The following AQP9 variants were observed in gnomAD, a reference collection of about 807,000 sequenced individuals.
AQP9 encodes aquaporin 9.
AQP9 carries 19 observed loss-of-function variants against 23.8 expected under a neutral mutation model. The observed-to-expected ratio is 0.80, with a 90% CI of 0.56 to 1.17. AQP9 has a LOEUF of 1.17. Among genes scored for constraint, AQP9 ranks in the 50% most tolerant of loss-of-function variants. The pLI, the probability that AQP9 is intolerant of heterozygous loss-of-function variation, is 0.00. For missense variants in AQP9, 413 were observed against 362.0 expected (o/e 1.14, Z -1.14); for synonymous variants, 153 against 131.5 (o/e 1.16, Z -1.12).
intron 5 of AQP9, among the ~76,000 whole-genome samples, chr15:58,181,334 GT>G (rs1351690011): frequency 6.6e-6 from 1 of 152,162 alleles, no homozygotes; most frequent in African/African-American, 2.4e-5. Flanking sequence ...TCACTGTTGT[GT>G]TTATATTCTA....
chr15:58,174,782 G>C (rs979879251), intron 3 of AQP9, 136 bp from the exon 4 acceptor site: 1 of 712,194 alleles, frequency 1.4e-6, no homozygotes, highest in African/African-American at 1.8e-5. Flanking sequence ...ATCATTCCTC[G>C]GAAGTAGAGA....
chr15:58,174,389 T>C (rs954459475), intron 3 of AQP9, among the ~76,000 whole-genome samples: 2 of 151,996 alleles, frequency 1.3e-5, no homozygotes, highest in African/African-American at 2.4e-5. Flanking sequence ...AGGGCTAAAA[T>C]GGAATTCAAG....
At chr15:58,147,964 T>C (rs1301521983) in intron 1 of AQP9, among the ~76,000 whole-genome samples, 1 of 152,030 alleles carries the variant, frequency 6.6e-6, no homozygotes, top group East Asian at 1.9e-4. Context: ...TACCAGGAAG[T>C]ATTGATATTA....
chr15:58,152,545 T>A (rs1392327992), intron 1 of AQP9: 1 of 152,136 alleles, frequency 6.6e-6, no homozygotes, highest in Non-Finnish European at 1.5e-5. Flanking sequence ...AGATTGTGGA[T>A]CTAATAACAG....
chr15:58,150,813 T>C (rs1898134681), intron 1 of AQP9: 1 of 152,212 alleles, frequency 6.6e-6, no homozygotes, highest in Non-Finnish European at 1.5e-5. Context: ...TTTCTCCTGT[T>C]CAACTTAGAA....
At position 58,175,023 on chromosome 15, in the gene AQP9, C is replaced by G. The variant is rs756649939; in HGVS notation, c.482C>G (p.Ala161Gly). Reference sequence around the variant, plus strand: ...GCTCCGTATCTATCTCTGGCGAACGCATTTGCAGATCAAGTAAGTGTAGAT... The same window carrying G: ...GCTCCGTATCTATCTCTGGCGAACGGATTTGCAGATCAAGTAAGTGTAGAT... ...YPAPYLSLAN[A>G]FADQVVATMI... is the part of the protein sequence containing the mutation. The change falls in exon 4 of 6, where the codon GCA (alanine) becomes GGA (glycine). Residue 161 changes from alanine to glycine, a missense_variant. By Grantham distance (60) the Ala-to-Gly change is moderately conservative. Transcript: ENST00000219919. 1.3e-5 allele frequency: 21 copies of G among 1,612,988 alleles called. No individual in the cohort carries two copies. Among genetic ancestry groups the G allele is most frequent in the Admixed American group, 5.0e-5 (3 of 60,006 alleles).
intron 1 of AQP9, chr15:58,154,461 T>G (rs969090526): frequency 2.6e-5 from 4 of 152,110 alleles, no homozygotes; most frequent in African/African-American, 9.7e-5. Context: ...AACCAGCAAC[T>G]GCCACCAATA....
intron 1 of AQP9, among the ~76,000 whole-genome samples, chr15:58,166,074 G>A (rs1218002991): frequency 1.3e-5 from 2 of 152,168 alleles, no homozygotes; most frequent in Non-Finnish European, 1.5e-5. Flanking sequence ...TGTGTATGGT[G>A]GTTTGTGTGC....
intron 1 of AQP9, among the ~76,000 whole-genome samples, chr15:58,142,050 G>A (rs900466876): frequency 6.6e-6 from 1 of 152,166 alleles, no homozygotes; most frequent in Non-Finnish European, 1.5e-5. Flanking sequence ...TTTATTGGTG[G>A]AGAAGCTGAG....
chr15:58,159,643 A>G (rs1257556443), intron 1 of AQP9, among the ~76,000 whole-genome samples: 2 of 152,266 alleles, frequency 1.3e-5, no homozygotes, highest in African/African-American at 4.8e-5. Flanking sequence ...TTACCTATTA[A>G]TCAACCTTTC....
chr15:58,149,052 T>C (rs1315111317), intron 1 of AQP9, among the ~76,000 whole-genome samples: 1 of 152,228 alleles, frequency 6.6e-6, no homozygotes, highest in Non-Finnish European at 1.5e-5. Context: ...TCTTTGTGAC[T>C]GTTTTTGTTA....
At chr15:58,177,575 G>T (rs1260275099) in intron 4 of AQP9, among the ~76,000 whole-genome samples, 2 of 152,166 alleles carry the variant, frequency 1.3e-5, no homozygotes, top group Admixed American at 1.3e-4. Context: ...TTTAAAATCA[G>T]TTGCCTGGTT....
chr15:58,150,968 G>C (rs1017046556), intron 1 of AQP9: 1 of 152,074 alleles, frequency 6.6e-6, no homozygotes, highest in Non-Finnish European at 1.5e-5. Flanking sequence ...AATTGAATTG[G>C]TAGATAGTTT....
At chr15:58,146,433 CTA>C (rs1370598414) in intron 1 of AQP9, among the ~76,000 whole-genome samples, 1 of 151,936 alleles carries the variant, frequency 6.6e-6, no homozygotes, top group East Asian at 1.9e-4. Flanking sequence ...CTTTTCATTT[CTA>C]TATGTTTTAT....
chr15:58,140,292 T>A (rs1309910533), intron 1 of AQP9, among the ~76,000 whole-genome samples: 2 of 151,878 alleles, frequency 1.3e-5, no homozygotes, highest in Admixed American at 6.6e-5. Flanking sequence ...GTGTTGAAAG[T>A]GAAATTTGCT....
intron 3 of AQP9, 80 bp from the exon 4 acceptor site, chr15:58,174,835 GGTT>G: frequency 7.1e-6 from 8 of 1,130,122 alleles, no homozygotes; most frequent in Non-Finnish European, 1.1e-5. Context: ...CTGAGTGACT[GGTT>G]GTTTAGCACA....
At chr15:58,177,841 C>A (rs1898792630) in intron 4 of AQP9, among the ~76,000 whole-genome samples, 1 of 152,046 alleles carries the variant, frequency 6.6e-6, no homozygotes, top group African/African-American at 2.4e-5. Context: ...TATAATTGGC[C>A]AATTCAAATA....
chr15:58,172,991 A>G (rs977286513), intron 2 of AQP9, 77 bp from the exon 3 acceptor site: 2 of 1,578,072 alleles, frequency 1.3e-6, no homozygotes, highest in Admixed American at 3.4e-5. Flanking sequence ...ACTGAATTCC[A>G]CCTGAGGTCT....
chr15:58,185,764 T>TA lies in AQP9; in HGVS notation c.*1629_*1630insA, dbSNP rs1899017141. The TA allele has an allele frequency of 6.6e-6, 1 of 152,262 alleles. No homozygotes were observed. Among genetic ancestry groups the TA allele is most frequent in the Non-Finnish European group, 1.5e-5 (1 of 68,050 alleles). 9.4% of individuals were successfully genotyped at this position (152,262 alleles called of 1,614,324 possible). ...AAGGCATTAGGTTTCCCAACTGCTT[T>TA]GTGCTGATATCAGAACAGCAGAAAT... is the stretch of plus-strand genomic sequence containing the variant. On this transcript the variant is annotated 3_prime_UTR_variant, in exon 6 of 6. Coordinates refer to ENST00000219919, the MANE Select transcript of AQP9 (RefSeq NM_020980.5).
Sources: gnomAD v4.1 joint callset for allele counts (sites outside exome capture counted in the v4.1 genomes callset) on GRCh38, gnomAD v4.1.1 for gene constraint, MANE v1.5 for transcripts, NCBI Gene and HGNC (gene_info 2026-07-23, HGNC 2026-07-21) for gene names.